The following TRAPPC3L variants were observed in gnomAD, a reference collection of about 807,000 sequenced individuals.
The protein encoded by TRAPPC3L is trafficking protein particle complex subunit 3-like protein.
A neutral mutation model predicts 23.7 loss-of-function variants in TRAPPC3L; 23 were observed. The observed-to-expected ratio is 0.97, with a 90% CI of 0.70 to 1.37. The LOEUF is 1.37. Ranked by LOEUF, TRAPPC3L falls within the 40% of genes most tolerant of loss-of-function variation. TRAPPC3L has a pLI of 0.00. For synonymous variants in TRAPPC3L, 81 were observed against 77.9 expected (o/e 1.04, Z -0.21); for missense variants, 212 against 216.8 (o/e 0.98, Z 0.14).
intron 1 of TRAPPC3L, chr6:116,543,899 GA>G: frequency 1.4e-6 from 2 of 1,477,588 alleles, no homozygotes; most frequent in Non-Finnish European, 1.8e-6. Context: ...TTTACTTAGA[GA>G]AAAAAGGGGA....
At chr6:116,541,676 T>G (rs912307057) in intron 2 of TRAPPC3L, among the ~76,000 whole-genome samples, 4 of 152,234 alleles carry the variant, frequency 2.6e-5, no homozygotes, top group Admixed American at 2.6e-4. Flanking sequence ...CAAAGACTTT[T>G]AACAATCAAA....
chr6:116,514,567 G>A (rs774608924), intron 3 of TRAPPC3L, among the ~76,000 whole-genome samples: 19 of 152,134 alleles, frequency 1.2e-4, no homozygotes, highest in Admixed American at 3.9e-4. Context: ...AGTAACCCTC[G>A]TTTCACAAGT....
intron 3 of TRAPPC3L, among the ~76,000 whole-genome samples, chr6:116,505,832 T>G (rs1296633611): frequency 1.3e-5 from 2 of 152,218 alleles, no homozygotes; most frequent in Non-Finnish European, 2.9e-5. Flanking sequence ...AAGCTGAAAC[T>G]GGATCCCTTC....
chr6:116,521,640 A>C (rs1772345699), intron 3 of TRAPPC3L: 1 of 152,122 alleles, frequency 6.6e-6, no homozygotes, highest in Non-Finnish European at 1.5e-5. Context: ...TACTCAGTCC[A>C]CTGATTCAAA....
At chr6:116,533,963 C>G (rs1049825990) in intron 3 of TRAPPC3L, among the ~76,000 whole-genome samples, 8 of 152,130 alleles carry the variant, frequency 5.3e-5, no homozygotes, top group African/African-American at 1.4e-4. Flanking sequence ...CTGAGTCTAG[C>G]AACACAGCAG....
Position 116,545,492 on chromosome 6 carries a change from C to G in TRAPPC3L, c.23G>C (p.Arg8Thr), listed in dbSNP as rs1773725536. The G allele has an allele frequency of 3.9e-6, 6 of 1,548,176 alleles. No homozygotes were observed. Among genetic ancestry groups the G allele is most frequent in the Admixed American group, 2.0e-5 (1 of 50,666 alleles). Residue 8 changes from arginine (R) to threonine (T), a missense_variant, in exon 1 of 5, where the codon AGA (arginine) becomes ACA (threonine). Physicochemically the swap from Arg to Thr is moderately conservative, Grantham distance 71. Coordinates refer to ENST00000368602, the MANE Select transcript of TRAPPC3L (RefSeq NM_001139444.3). Reference sequence around the variant, plus strand: ...TCTTACTATTTTATGGTATTCTGGTCTTCGGTGTGCAGGGCGAGACATAGT... The same window carrying G: ...TCTTACTATTTTATGGTATTCTGGTGTTCGGTGTGCAGGGCGAGACATAGT... The part of the protein sequence containing the change: MSRPAHR[R>T]PEYHKINKDL...
chr6:116,509,102 A>AAC (rs1562338067), intron 3 of TRAPPC3L, among the ~76,000 whole-genome samples: 1 of 151,616 alleles, frequency 6.6e-6, no homozygotes, highest in African/African-American at 2.4e-5. Flanking sequence ...AAAAAAAAAA[A>AAC]AAAAAAAAAA....
intron 3 of TRAPPC3L, among the ~76,000 whole-genome samples, chr6:116,531,791 C>T (rs559489342): frequency 1.3e-5 from 2 of 151,700 alleles, no homozygotes; most frequent in Non-Finnish European, 2.9e-5. Context: ...GAATATCCCT[C>T]TTCTGAAACC....
At position 116,496,177 on chromosome 6, in the gene TRAPPC3L, T is replaced by C. The variant is rs1166410369; in HGVS notation, c.*777A>G. The C allele has an allele frequency of 6.6e-6, 1 of 152,112 alleles. No homozygotes were observed. The highest frequency in any genetic ancestry group is 1.5e-5 in the Non-Finnish European group (1 of 68,006). 9.4% of individuals were successfully genotyped at this position (152,112 alleles called of 1,614,324 possible). A position where few individuals can be genotyped will look rare whatever the true frequency, so the allele number is the denominator to read the frequency against. ...ATCCTTTGGAAGATTTTTTAGAGGA[T>C]GAAAATGATAGTAGAAATTCTGAAT... On this transcript the variant is annotated 3_prime_UTR_variant, in exon 5 of 5. Coordinates refer to ENST00000368602, the MANE Select transcript of TRAPPC3L (RefSeq NM_001139444.3).
At chr6:116,510,939 T>G (rs2115163364) in intron 3 of TRAPPC3L, among the ~76,000 whole-genome samples, 1 of 151,826 alleles carries the variant, frequency 6.6e-6, no homozygotes, top group African/African-American at 2.4e-5. Flanking sequence ...TAGTTCTCAC[T>G]TATAAGTGGA....
chr6:116,538,263 A>G (rs1275486479), intron 3 of TRAPPC3L, among the ~76,000 whole-genome samples: 1 of 152,224 alleles, frequency 6.6e-6, no homozygotes, highest in Non-Finnish European at 1.5e-5. Flanking sequence ...ATGTCACTGC[A>G]CTATTCTAAC....
rs1771829969 is a variant in TRAPPC3L, at chr6:116,496,079, G to A, written c.*875C>T. 6.6e-6 allele frequency: 1 copy of A among 152,136 alleles called. No homozygotes were observed. The highest frequency in any genetic ancestry group is 1.5e-5 in the Non-Finnish European group (1 of 68,046). 9.4% of individuals were successfully genotyped at this position (152,136 alleles called of 1,614,324 possible). A position where few individuals can be genotyped will look rare whatever the true frequency, so the allele number is the denominator to read the frequency against. The stretch of plus-strand genomic sequence containing the variant: ...TTGTAGGCCGCCCTTGTGTGCCAGT[G>A]GTCTGGTGAAGATTACTGTGTATTT... On this transcript the variant is annotated 3_prime_UTR_variant, in exon 5 of 5. Coordinates refer to ENST00000368602, the MANE Select transcript of TRAPPC3L (RefSeq NM_001139444.3).
chr6:116,531,873 T>C (rs1366501532), intron 3 of TRAPPC3L, among the ~76,000 whole-genome samples: 1 of 149,352 alleles, frequency 6.7e-6, no homozygotes, highest in Non-Finnish European at 1.5e-5. Flanking sequence ...AAAATTTATT[T>C]ATATTTAATT....
At chr6:116,501,674 G>C (rs2115154687) in intron 3 of TRAPPC3L, among the ~76,000 whole-genome samples, 1 of 152,278 alleles carries the variant, frequency 6.6e-6, no homozygotes, top group Non-Finnish European at 1.5e-5. Flanking sequence ...CCAGAGGAAG[G>C]ATCAGGCAGC....
Position 116,543,287 on chromosome 6 carries a change from A to T in TRAPPC3L, c.140+16T>A. On this transcript the variant is annotated intron_variant, in intron 2 of 4. Transcript: ENST00000368602. The stretch of plus-strand genomic sequence containing the variant: ...AAACAACAGCCATTCAATAAGAATG[A>T]AGGACTTCCACTTACATTTTATCTA... The T allele has an allele frequency of 6.5e-7, 1 of 1,531,692 alleles. No individual in the cohort carries two copies. The highest frequency in any genetic ancestry group is 1.2e-5 in the South Asian group (1 of 82,562). The allele number at this position is 1,531,692 out of a possible 1,614,324, so 94.9% of individuals were successfully genotyped here. A position where few individuals can be genotyped will look rare whatever the true frequency, so the allele number is the denominator to read the frequency against.
intron 2 of TRAPPC3L, among the ~76,000 whole-genome samples, chr6:116,543,062 A>G (rs1221060085): frequency 6.6e-6 from 1 of 152,124 alleles, no homozygotes; most frequent in East Asian, 1.9e-4. Context: ...TTAAGAAATG[A>G]TTTCTAACTA....
intron 3 of TRAPPC3L, among the ~76,000 whole-genome samples, chr6:116,539,986 C>A (rs952687541): frequency 2.0e-5 from 3 of 152,118 alleles, no homozygotes; most frequent in Non-Finnish European, 2.9e-5. Flanking sequence ...AAACAATATT[C>A]TTTGATACTA....
chr6:116,526,275 T>C (rs1470476174), intron 3 of TRAPPC3L, among the ~76,000 whole-genome samples: 1 of 152,248 alleles, frequency 6.6e-6, no homozygotes, highest in Admixed American at 6.5e-5. Context: ...TGGATTTTTA[T>C]TTTATTTGAA....
chr6:116,500,700 G>C, intron 3 of TRAPPC3L, 34 bp from the exon 4 acceptor site: 1 of 1,536,104 alleles, frequency 6.5e-7, no homozygotes, highest in South Asian at 1.2e-5. Flanking sequence ...CTAAAACTTG[G>C]TCTAGAACAA....
Sources: allele counts gnomAD v4.1 joint callset (sites outside exome capture counted in the v4.1 genomes callset), GRCh38; gene constraint gnomAD v4.1.1; transcripts MANE v1.5; gene names NCBI Gene and HGNC (gene_info 2026-07-23, HGNC 2026-07-21).